Variants in FGF12 observed in about 807,000 individuals in gnomAD.
FGF12 encodes fibroblast growth factor 12B.
Under a neutral mutation model 23.6 loss-of-function variants are expected in FGF12, and 14 were observed. The observed-to-expected ratio is 0.59, with a 90% CI of 0.39 to 0.93. The LOEUF is 0.93. Ranked by LOEUF, FGF12 falls within the 40% of genes least tolerant of loss-of-function variation. The pLI, the probability that FGF12 is intolerant of heterozygous loss-of-function variation, is 0.00. For missense variants in FGF12, 175 were observed against 217.8 expected (o/e 0.80, Z 1.24); for synonymous variants, 62 against 77.3 (o/e 0.80, Z 1.04).
At chr3:192,420,422 T>A (rs1721488633) in intron 2 of FGF12, among the ~76,000 whole-genome samples, 1 of 152,154 alleles carries the variant, frequency 6.6e-6, no homozygotes, top group Admixed American at 6.5e-5. Flanking sequence ...CCCCTCCAAC[T>A]CTTATGTTGA....
At chr3:192,351,438 T>G (rs900927501) in intron 3 of FGF12, among the ~76,000 whole-genome samples, 1 of 152,232 alleles carries the variant, frequency 6.6e-6, no homozygotes, top group Non-Finnish European at 1.5e-5. Context: ...TTTAAGGGGT[T>G]TGTACTGTTC....
chr3:192,269,201 T>G (rs944642817), intron 4 of FGF12, among the ~76,000 whole-genome samples: 19 of 152,316 alleles, frequency 1.2e-4, no homozygotes, highest in Non-Finnish European at 1.9e-4. Flanking sequence ...ATTACAGGCA[T>G]GAGCTAACAT....
chr3:192,570,378 A>G (rs1577059562), intron 2 of FGF12, among the ~76,000 whole-genome samples: 1 of 152,198 alleles, frequency 6.6e-6, no homozygotes, highest in Non-Finnish European at 1.5e-5. Context: ...ATACTTGGGG[A>G]AAAACATGCA....
chr3:192,487,233 C>T (rs149530967), intron 2 of FGF12, among the ~76,000 whole-genome samples: 1 of 152,118 alleles, frequency 6.6e-6, no homozygotes, highest in Admixed American at 6.6e-5. Context: ...TTTTCTACTT[C>T]CTCATAGCAA....
chr3:192,714,306 G>A (rs1718789253), intron 2 of FGF12, among the ~76,000 whole-genome samples: 1 of 151,976 alleles, frequency 6.6e-6, no homozygotes, highest in Admixed American at 6.6e-5. Flanking sequence ...GCTAAGGAAG[G>A]GTCATCATAA....
At chr3:192,414,696 AAT>A (rs1721291528) in intron 2 of FGF12, among the ~76,000 whole-genome samples, 4 of 152,182 alleles carry the variant, frequency 2.6e-5, no homozygotes, top group African/African-American at 9.6e-5. Flanking sequence ...CTATGAGTTT[AAT>A]CCAGGCCTTT....
intron 4 of FGF12, among the ~76,000 whole-genome samples, chr3:192,269,730 C>A (rs966099643): frequency 1.3e-5 from 2 of 152,120 alleles, no homozygotes; most frequent in African/African-American, 2.4e-5. Context: ...ATTTCTTTAC[C>A]TCTTGGCATG....
At chr3:192,350,225 G>A (rs186119566) in intron 3 of FGF12, among the ~76,000 whole-genome samples, 1 of 152,192 alleles carries the variant, frequency 6.6e-6, no homozygotes, top group Admixed American at 6.5e-5. Flanking sequence ...AAAATCATAA[G>A]AGATGTACAG....
intron 4 of FGF12, among the ~76,000 whole-genome samples, chr3:192,276,422 T>C (rs959760987): frequency 1.3e-5 from 2 of 152,212 alleles, no homozygotes; most frequent in African/African-American, 4.8e-5. Flanking sequence ...TTTTAGAGTG[T>C]AGATTCACTA....
rs192369662 is a variant in FGF12, at chr3:192,589,393, A to T, written c.13+137788T>A. On this transcript the variant is annotated intron_variant, in intron 2 of 5. Transcript: ENST00000445105. ...AAGAAAACAACTGCTACTGGATTGT[A>T]TAACACCATTTTATACGAGCAGGTT... 2.8e-3 allele frequency among the ~76,000 whole-genome samples: 423 copies of T among 151,936 alleles called. 7 individuals are homozygous for T. Among genetic ancestry groups the T allele is most frequent in the Non-Finnish European group, 4.3e-3 (295 of 67,872 alleles).
At chr3:192,565,290 C>T (rs1265272063) in intron 2 of FGF12, among the ~76,000 whole-genome samples, 1 of 152,184 alleles carries the variant, frequency 6.6e-6, no homozygotes. Context: ...TAAGACAAAT[C>T]AAATTCTTGC....
intron 2 of FGF12, among the ~76,000 whole-genome samples, chr3:192,410,063 C>T (rs576492867): frequency 6.6e-6 from 1 of 152,238 alleles, no homozygotes; most frequent in South Asian, 2.1e-4. Flanking sequence ...GGGCGAGAGC[C>T]ACCGAGATGG....
At chr3:192,457,099 T>C (rs370885205) in intron 2 of FGF12, among the ~76,000 whole-genome samples, 2 of 152,206 alleles carry the variant, frequency 1.3e-5, no homozygotes, top group Non-Finnish European at 2.9e-5. Flanking sequence ...GCCACTGGCA[T>C]GTAAGAAGTA....
chr3:192,653,720 CTT>C (rs34906808), intron 2 of FGF12, among the ~76,000 whole-genome samples: 2 of 140,864 alleles, frequency 1.4e-5, no homozygotes. Context: ...TCATTTGAGG[CTT>C]TTTTTTTTTT....
intron 2 of FGF12, among the ~76,000 whole-genome samples, chr3:192,382,333 T>C (rs924979878): frequency 1.3e-5 from 2 of 152,128 alleles, no homozygotes; most frequent in Admixed American, 6.5e-5. Flanking sequence ...ATCAATCAAA[T>C]GCTATGCTAT....
intron 2 of FGF12, among the ~76,000 whole-genome samples, chr3:192,422,353 T>C (rs562856315): frequency 6.6e-6 from 1 of 152,280 alleles, no homozygotes; most frequent in South Asian, 2.1e-4. Context: ...TAAAATTCTA[T>C]GACTCTAAAT....
intron 2 of FGF12, among the ~76,000 whole-genome samples, chr3:192,566,949 C>T (rs927533689): frequency 2.0e-5 from 3 of 152,106 alleles, no homozygotes; most frequent in African/African-American, 4.8e-5. Flanking sequence ...TCTCAGATTC[C>T]GTCTATTCTC....
intron 2 of FGF12, among the ~76,000 whole-genome samples, chr3:192,452,654 A>G (rs993866414): frequency 1.6e-4 from 24 of 152,188 alleles, no homozygotes; most frequent in African/African-American, 5.1e-4. Context: ...ACTAAATCCT[A>G]TGTGAATCAC....
intron 2 of FGF12, among the ~76,000 whole-genome samples, chr3:192,716,071 C>T (rs568367277): frequency 6.6e-6 from 1 of 152,230 alleles, no homozygotes; most frequent in Non-Finnish European, 1.5e-5. Context: ...GCAAGAGAAT[C>T]TTAGACTAGA....
Sources: allele counts gnomAD v4.1 joint callset (sites outside exome capture counted in the v4.1 genomes callset), GRCh38; gene constraint gnomAD v4.1.1; transcripts MANE v1.5; gene names NCBI Gene and HGNC (gene_info 2026-07-23, HGNC 2026-07-21).